Variants in IMPG2 observed in about 807,000 individuals in gnomAD.
The protein encoded by IMPG2 is IPM 200.
IMPG2 carries 91 observed loss-of-function variants against 129.2 expected under a neutral mutation model. The observed-to-expected ratio is 0.70, with a 90% CI of 0.59 to 0.84. IMPG2 has a LOEUF of 0.84. Ranked by LOEUF, IMPG2 falls within the 40% of genes least tolerant of loss-of-function variation. The pLI is 0.00. For synonymous variants in IMPG2, 510 were observed against 517.7 expected, an observed-to-expected ratio of 0.99 and a Z score of 0.20; for missense variants, 1,430 against 1,461.7, an observed-to-expected ratio of 0.98 and a Z score of 0.35.
At chr3:101,240,101 A>G (rs1391584186) in intron 14 of IMPG2, among the ~76,000 whole-genome samples, 1 of 152,026 alleles carries the variant, frequency 6.6e-6, no homozygotes, top group African/African-American at 2.4e-5. Context: ...TATTTATTGT[A>G]ATTCTCTTTA....
intron 7 of IMPG2, 117 bp from the exon 8 acceptor site, chr3:101,269,690 A>T (rs1021770841): frequency 1.1e-4 from 75 of 667,830 alleles, no homozygotes; most frequent in Non-Finnish European, 1.8e-4. Context: ...AGAAGCTTAT[A>T]CACTTAGCTA....
At chr3:101,257,435 G>A (rs1474653296) in intron 10 of IMPG2, 94 bp downstream of exon 10, 48 of 1,462,470 alleles carry the variant, frequency 3.3e-5, no homozygotes, top group East Asian at 2.0e-4. Context: ...TCTAGAGAAT[G>A]GTCAGAACCT....
intron 14 of IMPG2, among the ~76,000 whole-genome samples, chr3:101,234,248 C>T (rs889916647): frequency 6.6e-6 from 1 of 150,688 alleles, no homozygotes; most frequent in Non-Finnish European, 1.5e-5. Context: ...CAGACAGAAA[C>T]ACACAGGAAA....
At chr3:101,273,560 G>T (rs562310097) in intron 7 of IMPG2, 21 bp downstream of exon 7, 3 of 1,366,844 alleles carry the variant, frequency 2.2e-6, no homozygotes, top group South Asian at 1.2e-5. Flanking sequence ...TGCCTTGTTT[G>T]TTTTTTTTTT....
intron 14 of IMPG2, among the ~76,000 whole-genome samples, chr3:101,233,465 C>T (rs115256388): frequency 0.011 from 1,611 of 152,228 alleles, 32 homozygotes; most frequent in African/African-American, 0.037. Flanking sequence ...CAGAAGAGAA[C>T]TGGTAGGAGC....
chr3:101,297,027 C>T (rs995730045), intron 3 of IMPG2, among the ~76,000 whole-genome samples: 3 of 152,156 alleles, frequency 2.0e-5, no homozygotes, highest in Non-Finnish European at 4.4e-5. Context: ...CTCAGCCTCC[C>T]GAGTAGCTGG....
intron 3 of IMPG2, among the ~76,000 whole-genome samples, chr3:101,303,444 C>A (rs999736511): frequency 1.3e-5 from 2 of 152,028 alleles, no homozygotes. Flanking sequence ...TGGTTCCTTG[C>A]AAGGGAAGTT....
Position 101,244,278 on chromosome 3 carries a change from G to A in IMPG2, c.2053C>T (p.Pro685Ser). The A allele has an allele frequency of 2.5e-6, 4 of 1,613,958 alleles. No individual in the cohort carries two copies. The highest frequency in any genetic ancestry group is 3.4e-6 in the Non-Finnish European group (4 of 1,179,972). ...GTATCTGCGAAGATGGGCACAGCAG[G>A]CCCACTAAGAGGCTCTTCCTCTGGA... ...HFPEEEPLSG[P>S]AVPIFADTAA... Residue 685 changes from proline to serine, a missense_variant, in exon 13 of 19, where the codon CCT becomes TCT. Coordinates refer to ENST00000193391, the MANE Select transcript of IMPG2 (RefSeq NM_016247.4).
chr3:101,310,314 C>A (rs1420208580), intron 2 of IMPG2, among the ~76,000 whole-genome samples: 1 of 152,174 alleles, frequency 6.6e-6, no homozygotes, highest in African/African-American at 2.4e-5. Flanking sequence ...GTAATCCCAG[C>A]ACTTTGGGAG....
intron 16 of IMPG2, 144 bp from the exon 17 acceptor site, chr3:101,229,734 A>C: frequency 1.3e-6 from 1 of 750,926 alleles, no homozygotes; most frequent in East Asian, 2.7e-5. Flanking sequence ...AAACATCTAG[A>C]TCAACCTCAA....
At chr3:101,260,043 A>G (rs772497685) in intron 9 of IMPG2, among the ~76,000 whole-genome samples, 5 of 152,124 alleles carry the variant, frequency 3.3e-5, no homozygotes, top group Non-Finnish European at 4.4e-5. Context: ...AATCGTCTCA[A>G]GAGACTTCTT....
Position 101,243,970 on chromosome 3 carries a change from A to G in IMPG2, c.2361T>C (p.Thr787=). Residue 787 remains threonine (T), a synonymous_variant, in exon 13 of 19, where the codon ACT becomes ACC. Coordinates refer to ENST00000193391, the MANE Select transcript of IMPG2 (RefSeq NM_016247.4). ...CTCTGGACAATTTCTCTAGGGAAGA[A>G]GTTCTTGTCCAAACTCTCTCTGATT... The part of the protein sequence containing the change: ...LPESERVWTR[T]SSLEKLSRDI... The G allele has an allele frequency of 7.4e-6, 12 of 1,614,192 alleles. No individual in the cohort carries two copies. The highest frequency in any genetic ancestry group is 9.3e-6 in the Non-Finnish European group (11 of 1,180,028).
chr3:101,252,394 T>C (rs548758805), intron 11 of IMPG2, among the ~76,000 whole-genome samples: 1 of 152,180 alleles, frequency 6.6e-6, no homozygotes, highest in East Asian at 1.9e-4. Context: ...CCTCCTGTGG[T>C]TAGAGAATGT....
intron 6 of IMPG2, among the ~76,000 whole-genome samples, chr3:101,275,451 G>A (rs1270720425): frequency 1.3e-5 from 2 of 152,112 alleles, no homozygotes; most frequent in East Asian, 3.8e-4. Context: ...ATAATTCGAA[G>A]CTCTCACCAA....
At chr3:101,249,022 C>T (rs185090445) in intron 11 of IMPG2, among the ~76,000 whole-genome samples, 4 of 152,226 alleles carry the variant, frequency 2.6e-5, no homozygotes, top group South Asian at 4.1e-4. Context: ...TCCCTGCTTC[C>T]GCCAAGCCTC....
intron 17 of IMPG2, 106 bp from the exon 18 acceptor site, chr3:101,228,982 T>G: frequency 1.2e-6 from 1 of 826,724 alleles, no homozygotes; most frequent in Non-Finnish European, 2.0e-6. Flanking sequence ...TTCTGGGCTA[T>G]TCAGAAGTAT....
chr3:101,232,522 G>C (rs1409329904), intron 15 of IMPG2, among the ~76,000 whole-genome samples: 1 of 152,060 alleles, frequency 6.6e-6, no homozygotes, highest in Non-Finnish European at 1.5e-5. Context: ...ACAGGCGTGA[G>C]CCACTGCACC....
At chr3:101,283,674 T>G (rs530237619) in intron 4 of IMPG2, among the ~76,000 whole-genome samples, 2 of 152,238 alleles carry the variant, frequency 1.3e-5, no homozygotes, top group African/African-American at 4.8e-5. Context: ...TATATAAAAT[T>G]TATACATACT....
In IMPG2 at chr3:101,257,690, T is replaced by C. The variant is rs1409757812; in HGVS notation, c.992A>G (p.Asn331Ser). 3.1e-6 allele frequency: 5 copies of C among 1,613,348 alleles called. No homozygotes were observed. The highest frequency in any genetic ancestry group is 3.4e-6 in the Non-Finnish European group (4 of 1,179,596). The change falls in exon 10 of 19, where the codon AAC (asparagine) becomes AGC (serine). Residue 331 changes from asparagine (N) to serine (S), a missense_variant. Transcript: ENST00000193391. The stretch of plus-strand genomic sequence containing the variant: ...CACAAGGCCATGGTTTTCCACCTTG[T>C]TGGAGTGAAGGCTAATGAGGTCCCA... ...TTWDLISLHS[N>S]KVENHGLVEL...
Sources: gnomAD v4.1 joint callset for allele counts (sites outside exome capture counted in the v4.1 genomes callset) on GRCh38, gnomAD v4.1.1 for gene constraint, MANE v1.5 for transcripts, NCBI Gene and HGNC (gene_info 2026-07-23, HGNC 2026-07-21) for gene names.